Variants in ZFYVE1 observed in about 807,000 individuals in gnomAD.
ZFYVE1 encodes the protein zinc finger FYVE-type containing 1, also known as zinc finger FYVE domain-containing protein 1.
ZFYVE1 carries 30 observed loss-of-function variants against 74.4 expected under a neutral mutation model. That is an observed-to-expected ratio of 0.40 (90% CI 0.30 to 0.55). The LOEUF is 0.55. ZFYVE1 is among the 20% of genes least tolerant of loss of function. ZFYVE1 has a pLI of 0.42. For synonymous variants in ZFYVE1, 335 were observed against 385.1 expected, an observed-to-expected ratio of 0.87 and a Z score of 1.52; for missense variants, 703 against 1,011.6, an observed-to-expected ratio of 0.69 and a Z score of 4.14.
At chr14:72,989,839 G>A (rs1156916319) in intron 4 of ZFYVE1, among the ~76,000 whole-genome samples, 2 of 151,840 alleles carry the variant, frequency 1.3e-5, no homozygotes, top group Non-Finnish European at 2.9e-5. Flanking sequence ...AGAAAAAATG[G>A]GAGATTCAAG....
At chr14:72,998,857 A>C (rs989850199) in intron 2 of ZFYVE1, among the ~76,000 whole-genome samples, 1 of 152,016 alleles carries the variant, frequency 6.6e-6, no homozygotes, top group Non-Finnish European at 1.5e-5. Context: ...CCTCAAAAAA[A>C]AAAAAGAAAG....
chr14:72,977,330 C>T (rs112898530), intron 8 of ZFYVE1, among the ~76,000 whole-genome samples: 11,002 of 151,922 alleles, frequency 0.072, 566 homozygotes, highest in South Asian at 0.19. Flanking sequence ...CACTTGAACC[C>T]GGGAGGTGGA....
intron 8 of ZFYVE1, among the ~76,000 whole-genome samples, chr14:72,976,782 C>CA (rs61560948): frequency 0.019 from 1,466 of 75,900 alleles, 21 homozygotes; most frequent in South Asian, 0.088. Context: ...GACTCCATCT[C>CA]AAAAAAAAAA....
intron 2 of ZFYVE1, among the ~76,000 whole-genome samples, chr14:73,016,511 CAAAT>C (rs112168425): frequency 0.18 from 27,788 of 150,718 alleles, 3,456 homozygotes; most frequent in African/African-American, 0.35. Flanking sequence ...GATTCCGTCT[CAAAT>C]AAATAAATAA....
intron 2 of ZFYVE1, among the ~76,000 whole-genome samples, chr14:73,023,277 T>TTTATATATAATATATA: frequency 1.2e-5 from 1 of 83,366 alleles, no homozygotes; most frequent in Non-Finnish European, 2.4e-5. Flanking sequence ...TAATATATAT[T>TTTATATATAATATATA]ATATATGTTT....
chr14:72,974,056 C>T (rs766791438), intron 11 of ZFYVE1, 24 bp downstream of exon 11: 3 of 1,610,674 alleles, frequency 1.9e-6, no homozygotes, highest in Non-Finnish European at 2.5e-6. Flanking sequence ...CCACTACCCC[C>T]AAGAGAAGCA....
chr14:72,970,650 A>G lies in ZFYVE1; in HGVS notation c.*232T>C, dbSNP rs147317318. 3.4e-6 allele frequency: 2 copies of G among 583,094 alleles called. No homozygotes were observed. Among genetic ancestry groups the G allele is most frequent in the South Asian group, 2.1e-5 (1 of 47,776 alleles). 36.1% of individuals were successfully genotyped at this position (583,094 alleles called of 1,614,324 possible). Reference sequence around the variant, plus strand: ...ATTATTTTTAACTGAAATAAATGCAACGGATTCAGGTTCATTCCCCTTTGC... The same window carrying G: ...ATTATTTTTAACTGAAATAAATGCAGCGGATTCAGGTTCATTCCCCTTTGC... On this transcript the variant is annotated 3_prime_UTR_variant, in exon 12 of 12. Transcript: ENST00000556143.
chr14:72,992,626 C>G (rs867453883), intron 4 of ZFYVE1, among the ~76,000 whole-genome samples: 3 of 108,914 alleles, frequency 2.8e-5, no homozygotes, highest in South Asian at 3.8e-4. Flanking sequence ...CCCCCCCCGC[C>G]CCTTGCAAGA....
intron 4 of ZFYVE1, among the ~76,000 whole-genome samples, chr14:72,986,563 CT>C (rs751115992): frequency 1.3e-3 from 178 of 136,724 alleles, no homozygotes; most frequent in Middle Eastern, 3.6e-3. Context: ...TCAGCTTTTC[CT>C]TTTTTTTTTT....
intron 2 of ZFYVE1, among the ~76,000 whole-genome samples, chr14:73,008,975 T>C (rs1483768288): frequency 6.6e-6 from 1 of 152,080 alleles, no homozygotes; most frequent in African/African-American, 2.4e-5. Context: ...ATTTTCCCAC[T>C]CTTCCAGCGC....
chr14:72,981,924 G>A, intron 4 of ZFYVE1, 29 bp from the exon 5 acceptor site: 3 of 1,606,388 alleles, frequency 1.9e-6, no homozygotes, highest in Non-Finnish European at 1.7e-6. Context: ...GACATATGAT[G>A]GCACTCAGTA....
chr14:72,988,299 C>T (rs1386636232), intron 4 of ZFYVE1, among the ~76,000 whole-genome samples: 1 of 151,730 alleles, frequency 6.6e-6, no homozygotes, highest in Non-Finnish European at 1.5e-5. Flanking sequence ...TTCAGCCTCC[C>T]GGGTAGCTGG....
intron 5 of ZFYVE1, among the ~76,000 whole-genome samples, chr14:72,980,660 C>T (rs754995320): frequency 1.3e-4 from 20 of 152,012 alleles, no homozygotes; most frequent in Admixed American, 7.9e-4. Context: ...CTCCGCCTCC[C>T]GGGTTCACGC....
intron 2 of ZFYVE1, among the ~76,000 whole-genome samples, chr14:73,004,810 C>A (rs1893943127): frequency 6.6e-6 from 1 of 152,086 alleles, no homozygotes. Context: ...CCAGCCTTGG[C>A]AACCTAGCAA....
rs539448570 is a variant in ZFYVE1, at chr14:73,018,916, C to T, written c.483+5110G>A. On this transcript the variant is annotated intron_variant, in intron 2 of 11. Coordinates refer to ENST00000556143, the MANE Select transcript of ZFYVE1 (RefSeq NM_021260.4). ...CCAAGATCGTGCCACTGAACTCCAG[C>T]CTGGGTGACAGAGACTCCATCTCAA... 2.0e-5 allele frequency among the ~76,000 whole-genome samples: 3 copies of T among 151,148 alleles called. No individual in the cohort carries two copies. In the South Asian group the frequency reaches 6.3e-4, roughly 32 times the overall value.
chr14:72,997,996 T>C lies in ZFYVE1; in HGVS notation c.803A>G (p.His268Arg), dbSNP rs1453889518. The C allele has an allele frequency of 6.2e-7, 1 of 1,613,926 alleles. No individual in the cohort carries two copies. The highest frequency in any genetic ancestry group is 2.2e-5 in the East Asian group (1 of 44,880). ...GAGGTCGTTATGCAGCCGGTCTGCA[T>C]GAGTTCGATAGATGACGAGGTCTGA... ...AISDLVIYRT[H>R]ADRLHNDLFK... Residue 268 changes from histidine to arginine, a missense_variant, in exon 3 of 12, where the codon CAT becomes CGT. Around this residue, in one of 2 missense-constraint regions of ZFYVE1, gnomAD observed 492 missense variants for 790.0 expected, o/e 0.62. Coordinates refer to ENST00000556143, the MANE Select transcript of ZFYVE1 (RefSeq NM_021260.4).
intron 1 of ZFYVE1, among the ~76,000 whole-genome samples, chr14:73,026,133 G>GAAAAAAAAAAAA (rs1309344308): frequency 1.0e-5 from 1 of 95,726 alleles, no homozygotes. Flanking sequence ...TTCACTAACT[G>GAAAAAAAAAAAA]AAAAAAAAAA....
At position 72,977,969 on chromosome 14, in the gene ZFYVE1, C is replaced by T. The variant is rs1893218879; in HGVS notation, c.1593G>A (p.Val531=). Residue 531 remains valine (V), a synonymous_variant, in exon 8 of 12, where the codon GTG becomes GTA. Transcript: ENST00000556143. ...CAATCTCTGTCCGCACCACCGTATC[C>T]ACAGGATCTTGGTTTCCAAACCAGT... ...RQYWFGNQDP[V]DTVVRTEIVH... 2 of 1,614,212 alleles carry T rather than the reference C, an allele frequency of 1.2e-6. No homozygotes were observed. Among genetic ancestry groups the T allele is most frequent in the Middle Eastern group, 1.6e-4 (1 of 6,062 alleles).
intron 2 of ZFYVE1, among the ~76,000 whole-genome samples, chr14:73,018,248 T>C (rs188580646): frequency 4.0e-5 from 6 of 151,750 alleles, no homozygotes; most frequent in East Asian, 2.0e-4. Flanking sequence ...CTGGCCAACA[T>C]AGTAAAACCC....
Sources: gnomAD v4.1 joint callset for allele counts (sites outside exome capture counted in the v4.1 genomes callset) on GRCh38, gnomAD v4.1.1 for gene constraint, gnomAD v4.1.1 regional missense constraint, MANE v1.5 for transcripts, NCBI Gene and HGNC (gene_info 2026-07-23, HGNC 2026-07-21) for gene names.